The following ASTN1 variants were observed in gnomAD, a reference collection of about 807,000 sequenced individuals.
The protein encoded by ASTN1 is astrotactin-1.
A neutral mutation model predicts 140.7 loss-of-function variants in ASTN1; 41 were observed. The ratio of observed to expected loss-of-function variants is 0.29; its 90% CI spans 0.23 to 0.38. The LOEUF (loss-of-function observed/expected upper bound fraction) is 0.38, where lower values mean the gene tolerates loss of function less well. ASTN1 is among the 10% of genes least tolerant of loss of function. The pLI is 1.00. For synonymous variants in ASTN1, 640 were observed against 652.2 expected, an observed-to-expected ratio of 0.98 and a Z score of 0.29; for missense variants, 1,479 against 1,678.8, an observed-to-expected ratio of 0.88 and a Z score of 2.08.
At chr1:177,129,438 G>A (rs1681834056) in intron 1 of ASTN1, among the ~76,000 whole-genome samples, 1 of 152,178 alleles carries the variant, frequency 6.6e-6, no homozygotes, top group Admixed American at 6.5e-5. Flanking sequence ...GAGGCTGGGA[G>A]GGATCAATGC....
chr1:177,019,794 A>G (rs904433637), intron 7 of ASTN1, among the ~76,000 whole-genome samples: 3 of 152,236 alleles, frequency 2.0e-5, no homozygotes, highest in Non-Finnish European at 2.9e-5. Flanking sequence ...TTCCTGATAC[A>G]TCTTTGAAAA....
chr1:177,134,164 A>G lies in ASTN1; in HGVS notation c.283+30230T>C, dbSNP rs80233600. On this transcript the variant is annotated intron_variant, in intron 1 of 22. Transcript: ENST00000361833. ...CCCCATGCTTCCAAGGAGCACTGAG[A>G]TCCACAGATTAGTAATGGATTGCAA... Among the ~76,000 whole-genome samples the G allele has an allele frequency of 5.8e-4, 88 of 152,362 alleles. No homozygotes were observed. In the East Asian group the frequency reaches 0.011, roughly 18 times the overall value.
chr1:176,958,266 C>A (rs373478500), intron 10 of ASTN1, 79 bp downstream of exon 10: 2 of 1,598,196 alleles, frequency 1.3e-6, no homozygotes, highest in African/African-American at 2.7e-5. Flanking sequence ...ACTCCTTCCC[C>A]AGCACCTAAA....
At chr1:176,942,077 G>C (rs757081546) in intron 14 of ASTN1, among the ~76,000 whole-genome samples, 35 of 152,080 alleles carry the variant, frequency 2.3e-4, no homozygotes, top group Non-Finnish European at 4.1e-4. Flanking sequence ...TTTTTCTCTT[G>C]CTCTTTCTTT....
intron 8 of ASTN1, among the ~76,000 whole-genome samples, chr1:176,995,531 T>C (rs934546735): frequency 6.6e-6 from 1 of 152,034 alleles, no homozygotes; most frequent in Non-Finnish European, 1.5e-5. Context: ...TGCACTGAAA[T>C]GTAGGATAGC....
chr1:177,024,881 A>C (rs1676030707), intron 5 of ASTN1, 149 bp from the exon 6 acceptor site: 2 of 877,002 alleles, frequency 2.3e-6, no homozygotes, highest in Non-Finnish European at 3.5e-6. Flanking sequence ...GCATGACCTC[A>C]GTGACCTTCT....
At chr1:177,043,691 C>T (rs1436825301) in intron 2 of ASTN1, among the ~76,000 whole-genome samples, 2 of 152,168 alleles carry the variant, frequency 1.3e-5, no homozygotes, top group African/African-American at 2.4e-5. Flanking sequence ...GTAAGATGCA[C>T]ATTAGAGCTC....
intron 1 of ASTN1, among the ~76,000 whole-genome samples, chr1:177,065,506 T>C (rs892648092): frequency 6.6e-6 from 1 of 152,192 alleles, no homozygotes; most frequent in African/African-American, 2.4e-5. Context: ...TAAGCAGTAA[T>C]AGCAGTGCTG....
Position 176,862,702 on chromosome 1 carries a change from C to T in ASTN1, c.*1582G>A, listed in dbSNP as rs952408325. On this transcript the variant is annotated 3_prime_UTR_variant, in exon 23 of 23. Coordinates refer to ENST00000361833, the MANE Select transcript of ASTN1 (RefSeq NM_004319.3). ...CCTCTCTTTGCCTCGTTTTCCTCAA[C>T]ACTAAAATGGAGACAAGAATAGCAC... 1.5e-5 allele frequency: 14 copies of T among 910,528 alleles called. No homozygotes were observed. In the Admixed American group the frequency reaches 5.6e-4, roughly 36 times the overall value. The allele number at this position is 910,528 out of a possible 1,614,324, so 56.4% of individuals were successfully genotyped here.
At chr1:176,989,583 G>A (rs1470045087) in intron 8 of ASTN1, among the ~76,000 whole-genome samples, 1 of 151,998 alleles carries the variant, frequency 6.6e-6, no homozygotes, top group African/African-American at 2.4e-5. Flanking sequence ...GAGTATGTGG[G>A]GCTCCCTTTA....
chr1:176,890,929 A>G (rs921714219), intron 17 of ASTN1, among the ~76,000 whole-genome samples: 1 of 152,182 alleles, frequency 6.6e-6, no homozygotes, highest in Non-Finnish European at 1.5e-5. Context: ...CAGGAGGCTG[A>G]GGCAGGAGAA....
chr1:177,122,246 CAG>C lies in ASTN1; in HGVS notation c.283+42146_283+42147del, dbSNP rs1681429352. Among the ~76,000 whole-genome samples the C allele has an allele frequency of 9.2e-5, 14 of 152,228 alleles. No homozygotes were observed. The South Asian group carries it at 2.9e-3, about 32-fold the overall frequency. On this transcript the variant is annotated intron_variant, in intron 1 of 22. Coordinates refer to ENST00000361833, the MANE Select transcript of ASTN1 (RefSeq NM_004319.3). ...GAGTTAATGTGGAAGGCGGGAGACT[CAG>C]AGCAGGAAAAGACATGGGTCAGAAG...
intron 1 of ASTN1, among the ~76,000 whole-genome samples, chr1:177,139,470 C>A (rs1558123427): frequency 6.6e-6 from 1 of 152,142 alleles, no homozygotes; most frequent in Non-Finnish European, 1.5e-5. Context: ...ACGGCCAATG[C>A]ATATAAGTCC....
At chr1:177,102,398 C>T (rs981871393) in intron 1 of ASTN1, among the ~76,000 whole-genome samples, 1 of 152,028 alleles carries the variant, frequency 6.6e-6, no homozygotes, top group African/African-American at 2.4e-5. Context: ...AATTCAAATT[C>T]AGGACCATTT....
chr1:176,868,016 C>A (rs1358587731), intron 22 of ASTN1, among the ~76,000 whole-genome samples: 1 of 149,890 alleles, frequency 6.7e-6, no homozygotes, highest in Admixed American at 6.7e-5. Context: ...CTCATTCATT[C>A]TTTTTTCTAT....
At chr1:176,912,187 T>C (rs568440428) in intron 16 of ASTN1, among the ~76,000 whole-genome samples, 2 of 152,344 alleles carry the variant, frequency 1.3e-5, no homozygotes, top group East Asian at 3.9e-4. Flanking sequence ...TAACAAGAGC[T>C]ACCATCTATG....
chr1:176,965,447 C>A (rs897808808), intron 8 of ASTN1, among the ~76,000 whole-genome samples: 1 of 152,134 alleles, frequency 6.6e-6, no homozygotes, highest in African/African-American at 2.4e-5. Context: ...CACTGAACTA[C>A]TAGGAAAATG....
At chr1:177,100,787 C>T (rs749505122) in intron 1 of ASTN1, among the ~76,000 whole-genome samples, 7 of 152,052 alleles carry the variant, frequency 4.6e-5, no homozygotes, top group Non-Finnish European at 8.8e-5. Context: ...CTAACATAAC[C>T]GTTCCTTTAA....
chr1:177,128,511 T>C (rs1338138845), intron 1 of ASTN1, among the ~76,000 whole-genome samples: 1 of 152,214 alleles, frequency 6.6e-6, no homozygotes, highest in Non-Finnish European at 1.5e-5. Flanking sequence ...TTACCCTTCA[T>C]TTGGAGAACT....
Sources: gnomAD v4.1 joint callset for allele counts (sites outside exome capture counted in the v4.1 genomes callset) on GRCh38, gnomAD v4.1.1 for gene constraint, MANE v1.5 for transcripts, NCBI Gene and HGNC (gene_info 2026-07-23, HGNC 2026-07-21) for gene names.